HMCN2: variants seen among roughly 807,000 people sequenced by gnomAD.
HMCN2 encodes hemicentin 2.
In HMCN2, 325 loss-of-function variants were observed where a neutral mutation model predicts 377.5. That is an observed-to-expected ratio of 0.86 (90% CI 0.79 to 0.94). The LOEUF (loss-of-function observed/expected upper bound fraction) is 0.94. Ranked by LOEUF, HMCN2 falls within the 40% of genes least tolerant of loss-of-function variation. HMCN2 has a pLI of 0.00. For synonymous variants in HMCN2, 2,007 were observed against 2,046.8 expected, an observed-to-expected ratio of 0.98 and a Z score of 0.53; for missense variants, 4,543 against 4,725.3, an observed-to-expected ratio of 0.96 and a Z score of 1.13.
intron 4 of HMCN2, among the ~76,000 whole-genome samples, chr9:130,293,480 G>C (rs1835930351): frequency 6.6e-6 from 1 of 151,988 alleles, no homozygotes. Context: ...CCTGGAAAGA[G>C]AAGGTCCAGA....
At chr9:130,273,132 T>C (rs1161926227) in intron 1 of HMCN2, among the ~76,000 whole-genome samples, 1 of 150,436 alleles carries the variant, frequency 6.6e-6, no homozygotes, top group African/African-American at 2.5e-5. Flanking sequence ...GTTTTTTTTC[T>C]CATAGGTTCC....
intron 1 of HMCN2, among the ~76,000 whole-genome samples, chr9:130,267,844 C>T (rs1408747870): frequency 6.6e-6 from 1 of 152,190 alleles, no homozygotes; most frequent in Non-Finnish European, 1.5e-5. Context: ...AGGAGGTGGG[C>T]TGTGAAGTGT....
chr9:130,344,192 G>A lies in HMCN2; in HGVS notation c.3829+1756G>A, dbSNP rs975638355. Among the ~76,000 whole-genome samples the A allele has an allele frequency of 1.6e-4, 24 of 152,200 alleles. 1 individual carries two copies. Among genetic ancestry groups the A allele is most frequent in the Non-Finnish European group, 1.8e-4 (12 of 68,040 alleles). On this transcript the variant is annotated intron_variant, in intron 25 of 97. Coordinates refer to ENST00000683500, the MANE Select transcript of HMCN2 (RefSeq NM_001291815.2). ...CAGCTCGGAAGGCCTGGCCCCCGGCGTGGCGGGAAGTACAGGGGCTCTCAG... is the reference window on the plus strand; with the variant it reads ...CAGCTCGGAAGGCCTGGCCCCCGGCATGGCGGGAAGTACAGGGGCTCTCAG...
intron 97 of HMCN2, chr9:130,432,974 T>G: frequency 2.8e-6 from 1 of 356,712 alleles, no homozygotes. Context: ...TGGAAGCAGA[T>G]GCCCGCGGCA....
rs1844237883 is a variant in HMCN2, at chr9:130,424,923, G to T, written c.13519+10G>T. 6.8e-7 allele frequency: 1 copy of T among 1,463,286 alleles called. No individual in the cohort carries two copies. The highest frequency in any genetic ancestry group is 2.5e-5 in the Admixed American group (1 of 39,426). 90.6% of individuals were successfully genotyped at this position (1,463,286 alleles called of 1,614,324 possible). ...GTGGAGTTTGCTACAGGTAAACAGG[G>T]CCTCCCCCAGGTGGGCCAGGTAGGA... On this transcript the variant is annotated intron_variant, in intron 88 of 97. Transcript: ENST00000683500.
At chr9:130,278,838 C>G (rs1834948365) in intron 1 of HMCN2, among the ~76,000 whole-genome samples, 3 of 151,632 alleles carry the variant, frequency 2.0e-5, no homozygotes, top group African/African-American at 7.3e-5. Flanking sequence ...GCCTCGGCTT[C>G]CCAAAGTGCT....
intron 1 of HMCN2, among the ~76,000 whole-genome samples, chr9:130,275,405 G>A (rs1834637229): frequency 6.6e-6 from 1 of 152,176 alleles, no homozygotes; most frequent in Non-Finnish European, 1.5e-5. Context: ...TTGTGTGTGT[G>A]TACCTGTGAT....
intron 62 of HMCN2, among the ~76,000 whole-genome samples, chr9:130,390,394 C>T (rs1842251123): frequency 6.6e-6 from 1 of 152,188 alleles, no homozygotes; most frequent in Non-Finnish European, 1.5e-5. Context: ...CATCTTGATT[C>T]CCAGGCTCTG....
intron 1 of HMCN2, among the ~76,000 whole-genome samples, chr9:130,273,124 T>G (rs1554921751): frequency 1.3e-5 from 2 of 151,354 alleles, no homozygotes; most frequent in African/African-American, 4.9e-5. Flanking sequence ...AGATTCAGGT[T>G]TTTTTTCTCA....
chr9:130,331,358 C>T (rs919364384), intron 22 of HMCN2, among the ~76,000 whole-genome samples: 217 of 152,242 alleles, frequency 1.4e-3, no homozygotes, highest in African/African-American at 4.7e-3. Flanking sequence ...CGGTGAAGTC[C>T]GAGGGTGGGA....
intron 34 of HMCN2, among the ~76,000 whole-genome samples, chr9:130,357,368 G>A (rs574548326): frequency 3.3e-5 from 5 of 150,838 alleles, no homozygotes; most frequent in African/African-American, 1.2e-4. Context: ...ATGGAAGAGT[G>A]GGTAGATGGA....
intron 15 of HMCN2, 45 bp downstream of exon 15, chr9:130,310,106 C>T (rs781809534): frequency 4.2e-6 from 2 of 479,606 alleles, no homozygotes; most frequent in Admixed American, 4.2e-5. Context: ...ATTCCCCTTT[C>T]CCAGCCCTCT....
intron 32 of HMCN2, among the ~76,000 whole-genome samples, chr9:130,355,258 G>C (rs575886730): frequency 2.0e-5 from 3 of 152,312 alleles, no homozygotes; most frequent in African/African-American, 7.2e-5. Context: ...AGGATCAAGG[G>C]TCCCTGACTG....
intron 85 of HMCN2, among the ~76,000 whole-genome samples, chr9:130,412,530 G>A (rs1843475256): frequency 1.3e-5 from 2 of 150,320 alleles, no homozygotes; most frequent in East Asian, 1.9e-4. Flanking sequence ...CCTAATCTAA[G>A]GTCGTCTTTT....
intron 1 of HMCN2, among the ~76,000 whole-genome samples, chr9:130,281,876 C>T (rs1227983691): frequency 6.7e-5 from 8 of 119,046 alleles, no homozygotes; most frequent in Admixed American, 4.3e-4. Flanking sequence ...GGTGACAGAG[C>T]AAGACTCCAT....
At chr9:130,291,742 A>C (rs1055447788) in intron 4 of HMCN2, among the ~76,000 whole-genome samples, 1 of 152,208 alleles carries the variant, frequency 6.6e-6, no homozygotes, top group African/African-American at 2.4e-5. Flanking sequence ...ATAACCCACA[A>C]TATCGTCTAA....
chr9:130,333,078 G>A (rs937063881), intron 22 of HMCN2, among the ~76,000 whole-genome samples: 1 of 152,182 alleles, frequency 6.6e-6, no homozygotes, highest in Non-Finnish European at 1.5e-5. Flanking sequence ...TGAAGGGAGT[G>A]TGTGGCATGG....
intron 80 of HMCN2, among the ~76,000 whole-genome samples, chr9:130,404,299 C>T (rs1327610086): frequency 6.6e-6 from 1 of 152,226 alleles, no homozygotes; most frequent in Non-Finnish European, 1.5e-5. Flanking sequence ...TTTGTGGTAT[C>T]TCAGTGGCCA....
intron 25 of HMCN2, among the ~76,000 whole-genome samples, chr9:130,345,943 C>T (rs1839369192): frequency 1.3e-5 from 2 of 152,004 alleles, no homozygotes; most frequent in African/African-American, 4.8e-5. Context: ...TCTTCCCCGC[C>T]ACCATGCTTA....
Sources: gnomAD v4.1 joint callset for allele counts (sites outside exome capture counted in the v4.1 genomes callset) on GRCh38, gnomAD v4.1.1 for gene constraint, MANE v1.5 for transcripts, NCBI Gene and HGNC (gene_info 2026-07-23, HGNC 2026-07-21) for gene names.